The following DSCAML1 variants were observed in gnomAD, a reference collection of about 807,000 sequenced individuals.
The protein encoded by DSCAML1 is DS cell adhesion molecule like 1.
In DSCAML1, 38 loss-of-function variants were observed where a neutral mutation model predicts 200.5. That is an observed-to-expected ratio of 0.19 (90% CI 0.15 to 0.25). The LOEUF is 0.25. Ranked by LOEUF, DSCAML1 falls within the 10% of genes least tolerant of loss-of-function variation. The pLI is 1.00. For synonymous variants in DSCAML1, 1,215 were observed against 1,165.0 expected (o/e 1.04, Z -0.87); for missense variants, 2,223 against 2,858.8 (o/e 0.78, Z 5.07).
chr11:117,674,903 C>A (rs2053179755), intron 3 of DSCAML1, among the ~76,000 whole-genome samples: 1 of 152,058 alleles, frequency 6.6e-6, no homozygotes. Flanking sequence ...CTATAGGGAT[C>A]CTAAGAACCA....
intron 4 of DSCAML1, among the ~76,000 whole-genome samples, chr11:117,529,139 C>T (rs1157261665): frequency 1.3e-5 from 2 of 152,074 alleles, no homozygotes; most frequent in African/African-American, 4.8e-5. Context: ...GGCATGATCT[C>T]GCGTTCTCGG....
intron 3 of DSCAML1, among the ~76,000 whole-genome samples, chr11:117,586,963 C>A (rs1236915593): frequency 6.6e-6 from 1 of 152,168 alleles, no homozygotes; most frequent in Non-Finnish European, 1.5e-5. Flanking sequence ...CCCCAGGATG[C>A]TCCTCCATCA....
chr11:117,795,526 G>A (rs1423359046), intron 1 of DSCAML1, among the ~76,000 whole-genome samples: 2 of 152,012 alleles, frequency 1.3e-5, no homozygotes, highest in Non-Finnish European at 2.9e-5. Flanking sequence ...CGATGCGGGG[G>A]GCAAGGGGTT....
intron 14 of DSCAML1, among the ~76,000 whole-genome samples, chr11:117,476,611 T>A (rs1772301820): frequency 6.6e-6 from 1 of 152,232 alleles, no homozygotes; most frequent in Non-Finnish European, 1.5e-5. Context: ...CCATCCTTGC[T>A]CTGTGCTTGG....
intron 3 of DSCAML1, among the ~76,000 whole-genome samples, chr11:117,645,918 A>C: frequency 6.6e-6 from 1 of 152,222 alleles, no homozygotes; most frequent in East Asian, 1.9e-4. Flanking sequence ...AAATAAATAA[A>C]AGAAAAAAAA....
chr11:117,465,787 G>A (rs1257746572), intron 16 of DSCAML1, among the ~76,000 whole-genome samples: 2 of 151,382 alleles, frequency 1.3e-5, no homozygotes, highest in African/African-American at 2.4e-5. Context: ...AATGAATAGG[G>A]ATATCATTTG....
chr11:117,533,168 G>A (rs1334477615), intron 3 of DSCAML1, among the ~76,000 whole-genome samples: 2 of 151,920 alleles, frequency 1.3e-5, no homozygotes, highest in African/African-American at 4.8e-5. Context: ...AAATAATAAG[G>A]TGTCTGGTGC....
intron 3 of DSCAML1, among the ~76,000 whole-genome samples, chr11:117,547,701 T>C (rs577245859): frequency 2.0e-5 from 3 of 152,366 alleles, no homozygotes; most frequent in African/African-American, 7.2e-5. Context: ...TGTGTGTCTG[T>C]AAGACTTGTG....
chr11:117,546,117 G>A (rs11216447), intron 3 of DSCAML1, among the ~76,000 whole-genome samples: 18,075 of 152,292 alleles, frequency 0.12, 1,458 homozygotes, highest in Non-Finnish European at 0.18. Context: ...CTGTAAAGGG[G>A]AACAGTCAGG....
intron 3 of DSCAML1, among the ~76,000 whole-genome samples, chr11:117,547,061 GGGGAGA>G (rs757055938): frequency 3.1e-4 from 47 of 152,244 alleles, no homozygotes; most frequent in Middle Eastern, 3.4e-3. Flanking sequence ...GGCGAGGAGT[GGGGAGA>G]GGGAGAGGGA....
chr11:117,767,231 G>A (rs559168522), intron 3 of DSCAML1, among the ~76,000 whole-genome samples: 5 of 152,196 alleles, frequency 3.3e-5, no homozygotes, highest in East Asian at 3.9e-4. Context: ...ATTCTGCCTC[G>A]TCATTTCCTC....
chr11:117,676,562 G>C (rs184954326), intron 3 of DSCAML1, among the ~76,000 whole-genome samples: 14 of 152,314 alleles, frequency 9.2e-5, no homozygotes, highest in African/African-American at 3.1e-4. Flanking sequence ...TGCACAGACG[G>C]GGTGCTCCTG....
chr11:117,487,744 G>T (rs1000872952), intron 11 of DSCAML1, among the ~76,000 whole-genome samples: 3 of 152,218 alleles, frequency 2.0e-5, no homozygotes, highest in African/African-American at 7.2e-5. Context: ...AAAGCATGCT[G>T]AGAACTGGGA....
intron 21 of DSCAML1, among the ~76,000 whole-genome samples, chr11:117,442,377 TAG>T (rs955547032): frequency 1.3e-5 from 2 of 151,922 alleles, no homozygotes; most frequent in Non-Finnish European, 2.9e-5. Flanking sequence ...TTAGTGTGTA[TAG>T]TGTGTGTATG....
rs940935683 is a variant in DSCAML1, at chr11:117,504,680, C to T, written c.2182+244G>A. Among the ~76,000 whole-genome samples, 5 of 148,606 alleles carry T rather than the reference C, an allele frequency of 3.4e-5. No individual in the cohort carries two copies. The highest frequency in any genetic ancestry group is 2.0e-4 in the East Asian group (1 of 4,972). On this transcript the variant is annotated intron_variant, in intron 10 of 32. Transcript: ENST00000651296. The surrounding 1 kb of genome is among the most constrained non-coding windows in gnomAD (Gnocchi z 5.0). ...GGGGCGGAGATGGGAGAGGAGAGGT[C>T]GCGTCTGGGGGGACAAGAGGAAATA...
At chr11:117,672,432 G>A (rs200428377) in intron 3 of DSCAML1, among the ~76,000 whole-genome samples, 1 of 141,416 alleles carries the variant, frequency 7.1e-6, no homozygotes, top group Non-Finnish European at 1.6e-5. Flanking sequence ...TATTAGCAAA[G>A]ATTCACAAAA....
chr11:117,428,315 CT>C lies in DSCAML1; in HGVS notation c.*12del. The C allele has an allele frequency of 6.9e-7, 1 of 1,453,164 alleles. No individual in the cohort carries two copies. The highest frequency in any genetic ancestry group is 1.2e-5 in the South Asian group (1 of 85,124). The allele number at this position is 1,453,164 out of a possible 1,614,324, so 90.0% of individuals were successfully genotyped here. ...GCGGCGCGGTCCAGGCGTGGCTGCT[CT>C]TCCTGCGGGCCCTACACCAGGGTGT... On this transcript the variant is annotated 3_prime_UTR_variant, in exon 33 of 33. Coordinates refer to ENST00000651296, the MANE Select transcript of DSCAML1 (RefSeq NM_020693.4).
chr11:117,736,867 C>G (rs1174185731), intron 3 of DSCAML1, among the ~76,000 whole-genome samples: 1 of 152,228 alleles, frequency 6.6e-6, no homozygotes, highest in Non-Finnish European at 1.5e-5. Flanking sequence ...GGATTCACAG[C>G]CCATTTCTCA....
At chr11:117,794,440 C>T (rs768751901) in intron 1 of DSCAML1, among the ~76,000 whole-genome samples, 15 of 151,540 alleles carry the variant, frequency 9.9e-5, no homozygotes, top group Admixed American at 6.6e-5. Flanking sequence ...TGAGCTCAGG[C>T]ATCATAAAAA....
Sources: gnomAD v4.1 joint callset for allele counts (sites outside exome capture counted in the v4.1 genomes callset) on GRCh38, gnomAD v4.1.1 for gene constraint, Gnocchi (gnomAD v3.1) non-coding constraint, MANE v1.5 for transcripts, NCBI Gene and HGNC (gene_info 2026-07-23, HGNC 2026-07-21) for gene names.